The following PSTPIP1 variants were observed in gnomAD, a reference collection of about 807,000 sequenced individuals.
PSTPIP1 encodes proline-serine-threonine phosphatase-interacting protein 1.
PSTPIP1 carries 66 observed loss-of-function variants against 69.6 expected under a neutral mutation model. The ratio of observed to expected loss-of-function variants is 0.95; its 90% confidence interval spans 0.78 to 1.16. The LOEUF (loss-of-function observed/expected upper bound fraction) is 1.16, where lower values mean the gene tolerates loss of function less well. PSTPIP1 is among the 50% of genes most tolerant of loss of function. The probability of loss-of-function intolerance (pLI) is 0.00; values close to 1 mark genes in which losing one functional copy is unlikely to be tolerated. For synonymous variants in PSTPIP1, 266 were observed against 222.7 expected (o/e 1.19, Z -1.73); for missense variants, 603 against 557.4 (o/e 1.08, Z -0.82).
At chr15:77,017,823 AG>A (rs1441224827) in intron 1 of PSTPIP1, among the ~76,000 whole-genome samples, 1 of 152,200 alleles carries the variant, frequency 6.6e-6, no homozygotes, top group East Asian at 1.9e-4. Flanking sequence ...GGCTGTCATC[AG>A]GGGGACTTAA....
chr15:77,013,842 G>A (rs944303118), intron 1 of PSTPIP1, among the ~76,000 whole-genome samples: 1 of 152,208 alleles, frequency 6.6e-6, no homozygotes, highest in African/African-American at 2.4e-5. Context: ...GATAGATGCT[G>A]TATTCTGGAG....
Position 77,028,612 on chromosome 15 carries a change from A to G in PSTPIP1, c.476A>G (p.Glu159Gly), listed in dbSNP as rs368938689. 7 of 1,593,990 alleles carry G rather than the reference A, an allele frequency of 4.4e-6. No individual in the cohort carries two copies. Among genetic ancestry groups the G allele is most frequent in the African/African-American group, 1.3e-5 (1 of 74,576 alleles). The change falls in exon 7 of 15, where the codon GAG (glutamate) becomes GGG (glycine). Residue 159 changes from glutamate (E) to glycine (G), a missense_variant. Transcript: ENST00000558012. ...GCGGACGACGCGGAGCAGGCCTTCG[A>G]GCGCATTAGCGCCAACGGCCACCAG... ...RDADDAEQAF[E>G]RISANGHQKQ... is the part of the protein sequence containing the mutation.
upstream of PSTPIP1, chr15:76,994,905 G>A: frequency 7.8e-7 from 1 of 1,283,014 alleles, no homozygotes; most frequent in South Asian, 1.2e-5. Flanking sequence ...TGGCTGGCGG[G>A]TGACACACCT....
rs768664787 is a variant in PSTPIP1 at position 77,035,835 on chromosome 15, G to C, written c.1019G>C (p.Arg340Pro). The C allele has an allele frequency of 1.2e-6, 2 of 1,609,916 alleles. No individual in the cohort carries two copies. The highest frequency in any genetic ancestry group is 3.3e-5 in the Admixed American group (2 of 59,898). Reference protein sequence around the residue: ...STETLTPTPERNEGVYTAIAV... With the variant: ...STETLTPTPEPNEGVYTAIAV... Reference sequence around the variant, plus strand: ...GAGACCCTGACCCCCACCCCCGAGCGGAATGAGGGTGTCTACACAGCCATC... The same window carrying C: ...GAGACCCTGACCCCCACCCCCGAGCCGAATGAGGGTGTCTACACAGCCATC... The change falls in exon 14 of 15, where the codon CGG (arginine) becomes CCG (proline). Residue 340 changes from arginine (R) to proline (P), a missense_variant. By Grantham distance (103) the Arg-to-Pro change is moderately radical. Coordinates refer to ENST00000558012, the MANE Select transcript of PSTPIP1 (RefSeq NM_003978.5).
At chr15:77,035,091 G>C (rs2076524791) in intron 12 of PSTPIP1, among the ~76,000 whole-genome samples, 1 of 152,246 alleles carries the variant, frequency 6.6e-6, no homozygotes, top group Admixed American at 6.5e-5. Context: ...GGGGGAAGCT[G>C]CTAGGGCAAG....
intron 1 of PSTPIP1, chr15:77,015,730 G>C (rs777934681): frequency 1.4e-5 from 5 of 355,484 alleles, no homozygotes; most frequent in African/African-American, 2.1e-5. Context: ...TGGCAGGGGT[G>C]GGGGTGAAGG....
intron 1 of PSTPIP1, among the ~76,000 whole-genome samples, chr15:77,010,425 G>T (rs2075911184): frequency 6.6e-6 from 1 of 152,114 alleles, no homozygotes; most frequent in Non-Finnish European, 1.5e-5. Flanking sequence ...GGAAGGTCCT[G>T]CCCTTTGCTG....
chr15:76,998,236 A>C (rs2075622474), intron 1 of PSTPIP1, among the ~76,000 whole-genome samples: 1 of 152,130 alleles, frequency 6.6e-6, no homozygotes, highest in East Asian at 1.9e-4. Context: ...GACAGAGTGG[A>C]GGGACCCTAC....
intron 10 of PSTPIP1, among the ~76,000 whole-genome samples, chr15:77,031,925 C>G (rs2076427371): frequency 6.6e-6 from 1 of 152,214 alleles, no homozygotes; most frequent in Non-Finnish European, 1.5e-5. Context: ...CTGCTGCCTC[C>G]TCGCCTCCTT....
At position 77,027,853 on chromosome 15, in the gene PSTPIP1, A is replaced by G. The variant is rs1030990885; in HGVS notation, c.356A>G (p.Tyr119Cys). Reference sequence around the variant, plus strand: ...CTCAGAACCTCGTGTCCCCTGCAGTATGAGGCCGTCATGGACCGGGTCCAG... The same window carrying G: ...CTCAGAACCTCGTGTCCCCTGCAGTGTGAGGCCGTCATGGACCGGGTCCAG... ...RERQKEQRKK[Y>C]EAVMDRVQKS... Residue 119 changes from tyrosine (Y) to cysteine (C), a missense_variant and splice_region_variant, in exon 6 of 15, where the codon TAT becomes TGT. Coordinates refer to ENST00000558012, the MANE Select transcript of PSTPIP1 (RefSeq NM_003978.5). This position sits in a 1 kb window ranked among gnomAD's most constrained non-coding sequence, Gnocchi z 4.3. The G allele has an allele frequency of 1.1e-5, 18 of 1,565,282 alleles. No individual in the cohort carries two copies. The East Asian group carries it at 3.6e-4, about 31-fold the overall frequency.
At chr15:77,006,819 C>T (rs1270964228) in intron 1 of PSTPIP1, among the ~76,000 whole-genome samples, 1 of 152,226 alleles carries the variant, frequency 6.6e-6, no homozygotes, top group African/African-American at 2.4e-5. Context: ...GTCCTTATGA[C>T]ACTACCGCAC....
chr15:76,995,681 A>G, intron 1 of PSTPIP1, 72 bp downstream of exon 1: 1 of 1,608,784 alleles, frequency 6.2e-7, no homozygotes, highest in Non-Finnish European at 8.5e-7. Flanking sequence ...CATGCAGGTG[A>G]TGGGATGCGG....
intron 1 of PSTPIP1, among the ~76,000 whole-genome samples, chr15:77,003,994 T>C (rs796612296): frequency 5.9e-5 from 9 of 152,374 alleles, no homozygotes; most frequent in African/African-American, 1.9e-4. Flanking sequence ...TGTTCACCAT[T>C]GCATGTTATA....
At chr15:77,008,381 G>C (rs1023275075) in intron 1 of PSTPIP1, among the ~76,000 whole-genome samples, 6 of 152,134 alleles carry the variant, frequency 3.9e-5, no homozygotes, top group African/African-American at 1.2e-4. Flanking sequence ...TCAAGGGAAG[G>C]AGCTTGCACT....
chr15:77,005,722 G>A (rs1402524896), intron 1 of PSTPIP1, among the ~76,000 whole-genome samples: 2 of 152,124 alleles, frequency 1.3e-5, no homozygotes, highest in Non-Finnish European at 2.9e-5. Context: ...GGCATCTCCT[G>A]TAAGTAGAAT....
At chr15:77,034,437 T>TGTGGGAAAGGCCCCCCAC (rs1400330262) in intron 12 of PSTPIP1, among the ~76,000 whole-genome samples, 106 of 152,268 alleles carry the variant, frequency 7.0e-4, no homozygotes, top group African/African-American at 2.6e-3. Flanking sequence ...CGGCGCCTCA[T>TGTGGGAAAGGCCCCCCAC]GTGGGAAAGG....
intron 11 of PSTPIP1, chr15:77,032,651 C>T: frequency 1.6e-6 from 1 of 618,866 alleles, no homozygotes; most frequent in Non-Finnish European, 2.9e-6. Flanking sequence ...GCCCCCACTC[C>T]CCGCCTGTTT....
rs140185335 is a variant in PSTPIP1 at position 77,015,893 on chromosome 15, G to T, written c.37-2255G>T. ...CAGCAGCCCAAAGCTCTGAGCGGGG[G>T]ACTGGGCGGGATCCTGGAGCCTGCA... On this transcript the variant is annotated intron_variant, in intron 1 of 14. Transcript: ENST00000558012. The T allele has an allele frequency of 1.6e-3, 745 of 455,194 alleles. 7 individuals are homozygous for T. Among genetic ancestry groups the T allele is most frequent in the African/African-American group, 0.014 (692 of 50,166 alleles). 28.2% of individuals were successfully genotyped at this position (455,194 alleles called of 1,614,324 possible).
chr15:77,037,316 G>A lies in PSTPIP1; in HGVS notation c.*140G>A, dbSNP rs2076605881. ...GCCTGTCGTCTCCCAGGGAATAAAG[G>A]AGTGCGTTCTGTTCTCCTTGGTGTG... is the stretch of plus-strand genomic sequence containing the variant. On this transcript the variant is annotated 3_prime_UTR_variant, in exon 15 of 15. Transcript: ENST00000558012. The A allele has an allele frequency of 8.6e-7, 1 of 1,163,742 alleles. No homozygotes were observed. Among genetic ancestry groups the A allele is most frequent in the Non-Finnish European group, 1.2e-6 (1 of 848,472 alleles). 72.1% of individuals were successfully genotyped at this position (1,163,742 alleles called of 1,614,324 possible). A position where few individuals can be genotyped will look rare whatever the true frequency, so the allele number is the denominator to read the frequency against.
Sources: allele counts gnomAD v4.1 joint callset (sites outside exome capture counted in the v4.1 genomes callset), GRCh38; gene constraint gnomAD v4.1.1; non-coding constraint Gnocchi (gnomAD v3.1); transcripts MANE v1.5; gene names NCBI Gene and HGNC (gene_info 2026-07-23, HGNC 2026-07-21).